Variants in CCDC3 observed in about 807,000 individuals in gnomAD.
The protein encoded by CCDC3 is coiled-coil domain-containing protein 3.
CCDC3 carries 24 observed loss-of-function variants against 21.4 expected under a neutral mutation model. The ratio of observed to expected loss-of-function variants is 1.12; its 90% confidence interval spans 0.81 to 1.58. CCDC3 has a LOEUF of 1.58. Ranked by LOEUF, CCDC3 falls within the 40% of genes most tolerant of loss-of-function variation. The pLI, the probability that CCDC3 is intolerant of heterozygous loss-of-function variation, is 0.00. For synonymous variants in CCDC3, 186 were observed against 166.0 expected, an observed-to-expected ratio of 1.12 and a Z score of -0.93; for missense variants, 425 against 360.9, an observed-to-expected ratio of 1.18 and a Z score of -1.44.
At chr10:12,940,266 A>G (rs1233931555) in intron 2 of CCDC3, among the ~76,000 whole-genome samples, 1 of 136,988 alleles carries the variant, frequency 7.3e-6, no homozygotes, top group Non-Finnish European at 1.6e-5. Flanking sequence ...ACCAAACTCC[A>G]GTTTACTGTT....
chr10:13,095,421 A>G (rs28712516), intron 3 of CCDC3, among the ~76,000 whole-genome samples: 1 of 141,324 alleles, frequency 7.1e-6, no homozygotes, highest in South Asian at 2.6e-4. Flanking sequence ...CAATTTTTCC[A>G]TGGATGGTGG....
chr10:12,915,912 G>C (rs1834345750), intron 2 of CCDC3, among the ~76,000 whole-genome samples: 1 of 152,120 alleles, frequency 6.6e-6, no homozygotes, highest in Admixed American at 6.5e-5. Flanking sequence ...TGCTGACCTG[G>C]CACCAGGGTC....
intron 1 of CCDC3, among the ~76,000 whole-genome samples, chr10:12,998,838 C>T (rs1056529513): frequency 6.6e-6 from 1 of 152,176 alleles, no homozygotes; most frequent in South Asian, 2.1e-4. Context: ...GAAAAAAAGG[C>T]CAGCTGTCAT....
At chr10:13,057,363 C>T (rs1322048103) in intron 4 of CCDC3, among the ~76,000 whole-genome samples, 3 of 152,050 alleles carry the variant, frequency 2.0e-5, no homozygotes, top group South Asian at 2.1e-4. Flanking sequence ...CAGCTGGGAG[C>T]TCCAACCCAG....
chr10:12,905,000 T>G (rs574117875), intron 2 of CCDC3, among the ~76,000 whole-genome samples: 29 of 151,256 alleles, frequency 1.9e-4, no homozygotes, highest in African/African-American at 6.8e-4. Context: ...ACCGAGAGGA[T>G]TCTTGCCTTT....
rs769022034 is a variant in CCDC3, at chr10:12,896,638, C to T, written c.*1778G>A. 6.6e-6 allele frequency: 1 copy of T among 152,634 alleles called. No individual in the cohort carries two copies. The highest frequency in any genetic ancestry group is 1.5e-5 in the Non-Finnish European group (1 of 68,074). 9.5% of individuals were successfully genotyped at this position (152,634 alleles called of 1,614,324 possible). On this transcript the variant is annotated 3_prime_UTR_variant, in exon 3 of 3. Coordinates refer to ENST00000378825, the MANE Select transcript of CCDC3 (RefSeq NM_031455.4). ...ATCATCTCACTGTTGTGGTTGAAAT[C>T]GCCGCTCGTATTTATTGGAAAAGCA...
intron 2 of CCDC3, among the ~76,000 whole-genome samples, chr10:12,983,083 C>T (rs956675395): frequency 6.9e-6 from 1 of 145,934 alleles, no homozygotes; most frequent in Admixed American, 7.0e-5. Flanking sequence ...CTACACTCCA[C>T]CCTGGGTGAT....
intron 1 of CCDC3, among the ~76,000 whole-genome samples, chr10:13,000,519 G>A (rs894071289): frequency 1.7e-4 from 26 of 152,144 alleles, no homozygotes; most frequent in African/African-American, 6.3e-4. Context: ...GATTTTACCA[G>A]CAGCAGAACC....
chr10:13,015,518 C>G (rs1293479712), intron 5 of CCDC3, among the ~76,000 whole-genome samples: 1 of 152,090 alleles, frequency 6.6e-6, no homozygotes, highest in Non-Finnish European at 1.5e-5. Context: ...ACATGTTTCA[C>G]TCATGCAGCC....
intron 4 of CCDC3, among the ~76,000 whole-genome samples, chr10:13,067,570 C>T (rs934695574): frequency 2.0e-5 from 3 of 152,160 alleles, no homozygotes; most frequent in Non-Finnish European, 4.4e-5. Flanking sequence ...TGCGGGCCTC[C>T]ATCTTGTTTT....
intron 5 of CCDC3, among the ~76,000 whole-genome samples, chr10:13,018,905 C>A (rs1836107237): frequency 6.7e-6 from 1 of 150,186 alleles, no homozygotes; most frequent in Non-Finnish European, 1.5e-5. Flanking sequence ...CCGTTGCACT[C>A]CAGCCTAGAT....
chr10:12,930,124 T>C (rs962743365), intron 2 of CCDC3, among the ~76,000 whole-genome samples: 3 of 152,256 alleles, frequency 2.0e-5, no homozygotes, highest in African/African-American at 7.2e-5. Context: ...AAGGTCCCAA[T>C]GTCCTCCAGC....
At chr10:12,925,385 T>A (rs17508320) in intron 2 of CCDC3, among the ~76,000 whole-genome samples, 1 of 137,704 alleles carries the variant, frequency 7.3e-6, no homozygotes, top group Non-Finnish European at 1.6e-5. Context: ...TAAAGTCCTT[T>A]GTGGGCCATT....
chr10:12,950,187 C>T (rs372100231), intron 2 of CCDC3, among the ~76,000 whole-genome samples: 1 of 152,200 alleles, frequency 6.6e-6, no homozygotes, highest in East Asian at 1.9e-4. Flanking sequence ...TGTCCCATCT[C>T]CTATAGAAGC....
At chr10:12,919,775 C>T (rs745742544) in intron 2 of CCDC3, among the ~76,000 whole-genome samples, 17 of 152,148 alleles carry the variant, frequency 1.1e-4, no homozygotes, top group African/African-American at 1.9e-4. Context: ...GGCGTTAGCC[C>T]GAGATGGCAT....
chr10:12,989,946 G>T (rs895296619), intron 2 of CCDC3, among the ~76,000 whole-genome samples: 1 of 151,738 alleles, frequency 6.6e-6, no homozygotes, highest in Non-Finnish European at 1.5e-5. Flanking sequence ...AAAAATGCCA[G>T]TTTAATTTAA....
chr10:13,003,114 G>A (rs1835879258), upstream of CCDC3, among the ~76,000 whole-genome samples: 1 of 152,190 alleles, frequency 6.6e-6, no homozygotes, highest in South Asian at 2.1e-4. Context: ...TATTTAGCAG[G>A]TGTTCTGCAG....
chr10:13,046,164 G>A (rs956352548), intron 5 of CCDC3, among the ~76,000 whole-genome samples: 1 of 152,122 alleles, frequency 6.6e-6, no homozygotes, highest in Non-Finnish European at 1.5e-5. Flanking sequence ...CCAGCACCTT[G>A]GGAGGCCAAG....
intron 2 of CCDC3, among the ~76,000 whole-genome samples, chr10:12,972,426 G>A (rs1258441126): frequency 6.6e-6 from 1 of 152,110 alleles, no homozygotes; most frequent in African/African-American, 2.4e-5. Context: ...CCCATTCTGT[G>A]CTGGAGCTCT....
Sources: gnomAD v4.1 joint callset for allele counts (sites outside exome capture counted in the v4.1 genomes callset) on GRCh38, gnomAD v4.1.1 for gene constraint, MANE v1.5 for transcripts, NCBI Gene and HGNC (gene_info 2026-07-23, HGNC 2026-07-21) for gene names.